The following PSMF1 variants were observed in gnomAD, a reference collection of about 807,000 sequenced individuals.
PSMF1 encodes proteasome inhibitor PI31 subunit.
PSMF1 carries 30 observed loss-of-function variants against 29.3 expected under a neutral mutation model. The observed-to-expected ratio is 1.02, with a 90% CI of 0.77 to 1.39. The LOEUF (loss-of-function observed/expected upper bound fraction) is 1.39. PSMF1 is among the 40% of genes most tolerant of loss of function. The pLI, the probability that PSMF1 is intolerant of heterozygous loss-of-function variation, is 0.00. For missense variants in PSMF1, 344 were observed against 357.5 expected, an observed-to-expected ratio of 0.96 and a Z score of 0.31; for synonymous variants, 134 against 139.7, an observed-to-expected ratio of 0.96 and a Z score of 0.29.
At chr20:1,141,879 C>T (rs755971863) in intron 4 of PSMF1, among the ~76,000 whole-genome samples, 83 of 152,128 alleles carry the variant, frequency 5.5e-4, no homozygotes, top group Admixed American at 1.4e-3. Context: ...GCAATAAACA[C>T]GTGGAACGAA....
In PSMF1 at chr20:1,135,170, AT is replaced by A. The variant is rs778602891; in HGVS notation, c.416del (p.Ile139ThrfsTer13). On this transcript the variant is annotated frameshift_variant, in exon 4 of 7. Coordinates refer to ENST00000335877, the MANE Select transcript of PSMF1 (RefSeq NM_006814.5). LOFTEE classifies it high-confidence loss of function. ...TCGGTCTCGTATTGTGTCTGGAATCATCACACCTATCCATGAGCAGTGGGAA... is the reference window on the plus strand; with the variant it reads ...TCGGTCTCGTATTGTGTCTGGAATCACACACCTATCCATGAGCAGTGGGAA... Reference protein sequence around the residue: ...ELRSRIVSGIITPIHEQWEKA... With the variant: ...ELRSRIVSGIXTPIHEQWEKA... 6.2e-7 allele frequency: 1 copy of A among 1,614,178 alleles called. No individual in the cohort carries two copies. The highest frequency in any genetic ancestry group is 2.2e-5 in the East Asian group (1 of 44,872).
intron 4 of PSMF1, among the ~76,000 whole-genome samples, chr20:1,142,180 C>A (rs1422098445): frequency 6.6e-6 from 1 of 152,182 alleles, no homozygotes; most frequent in Admixed American, 6.5e-5. Context: ...TGAGATCGCG[C>A]CACACCACTG....
chr20:1,150,566 T>C (rs1048645495), intron 4 of PSMF1, among the ~76,000 whole-genome samples: 1 of 152,192 alleles, frequency 6.6e-6, no homozygotes, highest in East Asian at 1.9e-4. Flanking sequence ...TTTCATCTTT[T>C]GTGAAGAGGT....
chr20:1,161,209 A>G, intron 4 of PSMF1: 1 of 323,974 alleles, frequency 3.1e-6, no homozygotes, highest in Non-Finnish European at 6.1e-6. Context: ...CGTGACATCA[A>G]GGAGAAGCAG....
chr20:1,151,689 C>A (rs2086532793), intron 4 of PSMF1, among the ~76,000 whole-genome samples: 1 of 152,144 alleles, frequency 6.6e-6, no homozygotes, highest in Non-Finnish European at 1.5e-5. Flanking sequence ...GATCATAAAT[C>A]TTTTTAAAAC....
intron 4 of PSMF1, chr20:1,161,592 T>C (rs1010512537): frequency 2.0e-5 from 13 of 650,550 alleles, no homozygotes; most frequent in African/African-American, 1.5e-4. Context: ...TCCGTGTGGA[T>C]CAGCAGCTCC....
intron 4 of PSMF1, among the ~76,000 whole-genome samples, chr20:1,148,074 A>G (rs1372192841): frequency 6.6e-6 from 1 of 152,204 alleles, no homozygotes; most frequent in Non-Finnish European, 1.5e-5. Context: ...AAATTTCCAA[A>G]TACAAACTAA....
intron 4 of PSMF1, among the ~76,000 whole-genome samples, chr20:1,156,612 G>C (rs1476802177): frequency 6.6e-6 from 1 of 152,152 alleles, no homozygotes; most frequent in Non-Finnish European, 1.5e-5. Flanking sequence ...CATTCTTAAA[G>C]TATGGAGAGA....
chr20:1,158,640 A>T (rs965826753), intron 4 of PSMF1, among the ~76,000 whole-genome samples: 3 of 152,224 alleles, frequency 2.0e-5, no homozygotes, highest in African/African-American at 7.2e-5. Flanking sequence ...CCAGTCCCTT[A>T]AAGAGGCTGC....
At position 1,171,173 on chromosome 20, in the gene PSMF1, A is replaced by G. The variant is rs1399269103; in HGVS notation, c.*6093A>G. Among the ~76,000 whole-genome samples, 1 of 152,066 alleles carries G rather than the reference A, an allele frequency of 6.6e-6. No homozygotes were observed. Among genetic ancestry groups the G allele is most frequent in the African/African-American group, 2.4e-5 (1 of 41,396 alleles). Reference sequence around the variant, plus strand: ...GTCTTAAGGCTCCTCAGTCAGTCCTATTTGCACAGCGTGCCTCATGCTCCT... The same window carrying G: ...GTCTTAAGGCTCCTCAGTCAGTCCTGTTTGCACAGCGTGCCTCATGCTCCT... On this transcript the variant is annotated 3_prime_UTR_variant, in exon 7 of 7. Coordinates refer to ENST00000335877, the MANE Select transcript of PSMF1 (RefSeq NM_006814.5).
chr20:1,142,218 C>T (rs1709109014), intron 4 of PSMF1, among the ~76,000 whole-genome samples: 1 of 152,194 alleles, frequency 6.6e-6, no homozygotes, highest in African/African-American at 2.4e-5. Flanking sequence ...CAGAGCGAGA[C>T]TCCTTCCCAA....
chr20:1,136,183 G>A lies in PSMF1; in HGVS notation c.551+877G>A, dbSNP rs1406904125. 2.0e-5 allele frequency among the ~76,000 whole-genome samples: 3 copies of A among 152,138 alleles called. No individual in the cohort carries two copies. In the South Asian group the frequency reaches 6.2e-4, roughly 31 times the overall value. ...GTCCTGTGAAGAGAATGGAGAATAA[G>A]AAAAAGTGGTTGAAAAGGTTGAAAA... On this transcript the variant is annotated intron_variant, in intron 4 of 6. Coordinates refer to ENST00000335877, the MANE Select transcript of PSMF1 (RefSeq NM_006814.5).
rs1240646354 is a variant in PSMF1, at chr20:1,118,629, G to T, written c.-145G>T. On this transcript the variant is annotated 5_prime_UTR_variant, in exon 1 of 7. Coordinates refer to ENST00000335877, the MANE Select transcript of PSMF1 (RefSeq NM_006814.5). ...CTTCCCCGCCCCGCCCCGTCCCCGG[G>T]CGTCTCCATTTTGGTCTCAGGTGTG... The T allele has an allele frequency of 2.0e-6, 2 of 981,544 alleles. No homozygotes were observed. The highest frequency in any genetic ancestry group is 2.9e-6 in the Non-Finnish European group (2 of 700,552). The allele number at this position is 981,544 out of a possible 1,614,324, so 60.8% of individuals were successfully genotyped here.
intron 3 of PSMF1, among the ~76,000 whole-genome samples, chr20:1,129,476 C>A: frequency 6.6e-6 from 1 of 152,234 alleles, no homozygotes; most frequent in East Asian, 1.9e-4. Flanking sequence ...CTCCTCATTT[C>A]TCCTCCCCTC....
Position 1,165,803 on chromosome 20 carries a change from G to A in PSMF1, c.*723G>A, listed in dbSNP as rs2122623294. The A allele has an allele frequency of 1.9e-6, 2 of 1,061,260 alleles. No homozygotes were observed. Among genetic ancestry groups the A allele is most frequent in the Non-Finnish European group, 1.1e-6 (1 of 874,944 alleles). The allele number at this position is 1,061,260 out of a possible 1,614,324, so 65.7% of individuals were successfully genotyped here. The stretch of plus-strand genomic sequence containing the variant: ...CTGGGCCAGTTTTGTAGGTCCATCT[G>A]TGCATGGGCAGCAGTAGTCAAAAAG... On this transcript the variant is annotated 3_prime_UTR_variant, in exon 7 of 7. Transcript: ENST00000335877.
intron 4 of PSMF1, among the ~76,000 whole-genome samples, chr20:1,162,671 G>C (rs116143801): frequency 0.011 from 1,624 of 152,192 alleles, 27 homozygotes; most frequent in African/African-American, 0.037. Flanking sequence ...TTATACAGGG[G>C]CTATATTGAC....
At chr20:1,144,498 G>T (rs2086424285) in intron 4 of PSMF1, among the ~76,000 whole-genome samples, 1 of 152,162 alleles carries the variant, frequency 6.6e-6, no homozygotes, top group Non-Finnish European at 1.5e-5. Context: ...AGTTTTATTT[G>T]TAATAGCCAA....
At position 1,169,022 on chromosome 20, in the gene PSMF1, A is replaced by G. The variant is rs1368479801; in HGVS notation, c.*3942A>G. 6.6e-6 allele frequency among the ~76,000 whole-genome samples: 1 copy of G among 152,226 alleles called. No homozygotes were observed. The highest frequency in any genetic ancestry group is 6.5e-5 in the Admixed American group (1 of 15,282). ...GATACCACAAGGCACAGATACAGGCAGCTGCTGTGTGGCTCTGGAGTTCCT... is the reference window on the plus strand; with the variant it reads ...GATACCACAAGGCACAGATACAGGCGGCTGCTGTGTGGCTCTGGAGTTCCT... On this transcript the variant is annotated 3_prime_UTR_variant, in exon 7 of 7. Coordinates refer to ENST00000335877, the MANE Select transcript of PSMF1 (RefSeq NM_006814.5).
chr20:1,158,899 TA>T (rs138029091), intron 4 of PSMF1, among the ~76,000 whole-genome samples: 11,181 of 152,008 alleles, frequency 0.074, 897 homozygotes, highest in African/African-American at 0.19. Context: ...TCTGAGTTCA[TA>T]AAAAAATTAG....
Sources: allele counts gnomAD v4.1 joint callset (sites outside exome capture counted in the v4.1 genomes callset), GRCh38; gene constraint gnomAD v4.1.1; transcripts MANE v1.5; gene names NCBI Gene and HGNC (gene_info 2026-07-23, HGNC 2026-07-21).